The following NRDC variants were observed in gnomAD, a reference collection of about 807,000 sequenced individuals.
NRDC encodes nardilysin.
NRDC carries 54 observed loss-of-function variants against 147.1 expected under a neutral mutation model. That is an observed-to-expected ratio of 0.37 (90% confidence interval 0.29 to 0.46). The LOEUF (loss-of-function observed/expected upper bound fraction) is 0.46, where lower values mean the gene tolerates loss of function less well. NRDC is among the 20% of genes least tolerant of loss of function. The pLI is 1.00. For missense variants in NRDC, 1,082 were observed against 1,370.6 expected, an observed-to-expected ratio of 0.79 and a Z score of 3.33; for synonymous variants, 440 against 482.1, an observed-to-expected ratio of 0.91 and a Z score of 1.14.
chr1:51,827,447 G>A (rs1410599106), intron 5 of NRDC, among the ~76,000 whole-genome samples: 1 of 152,170 alleles, frequency 6.6e-6, no homozygotes. Context: ...TTGGTACTAT[G>A]TAATTAAGGA....
At chr1:51,841,893 T>C (rs891690228) in intron 1 of NRDC, among the ~76,000 whole-genome samples, 6 of 152,200 alleles carry the variant, frequency 3.9e-5, no homozygotes, top group Non-Finnish European at 5.9e-5. Context: ...AGAGAACCTT[T>C]GGCCTAAGAT....
At chr1:51,839,160 CTTT>C (rs5774110) in intron 2 of NRDC, among the ~76,000 whole-genome samples, 2 of 133,762 alleles carry the variant, frequency 1.5e-5, no homozygotes, top group Non-Finnish European at 3.1e-5. Context: ...TTTTCTTTTT[CTTT>C]TTTTTTTTTT....
chr1:51,808,388 T>C (rs889556690), intron 17 of NRDC, among the ~76,000 whole-genome samples: 2 of 152,254 alleles, frequency 1.3e-5, no homozygotes, highest in South Asian at 2.1e-4. Context: ...CATGGACTTA[T>C]CTGTGACCTT....
At chr1:51,817,602 C>T (rs12035096) in intron 10 of NRDC, among the ~76,000 whole-genome samples, 1,828 of 152,184 alleles carry the variant, frequency 0.012, 65 homozygotes, top group East Asian at 0.099. Context: ...AGTGCAGTGG[C>T]GCAATATCAA....
rs1249918172 is a variant in NRDC, at chr1:51,818,072, T to C, written c.1355A>G (p.His452Arg). 2.5e-6 allele frequency: 4 copies of C among 1,605,922 alleles called. No homozygotes were observed. The highest frequency in any genetic ancestry group is 1.7e-5 in the Admixed American group (1 of 57,560). ...ITWALPPQQQ[H>R]YRVKPLHYIS... Reference sequence around the variant, plus strand: ...TTTTCCCTTAAACTCTTACCTGTAATGTTGCTGTTGAGGAGGAAGTGCCCA... The same window carrying C: ...TTTTCCCTTAAACTCTTACCTGTAACGTTGCTGTTGAGGAGGAAGTGCCCA... The change falls in exon 10 of 31, where the codon CAT (histidine) becomes CGT (arginine). Residue 452 changes from histidine to arginine, a missense_variant. This residue lies in a region of NRDC where 635 missense variants were observed against 923.8 expected (regional missense o/e 0.69). Transcript: ENST00000352171.
intron 14 of NRDC, 126 bp from the exon 15 acceptor site, chr1:51,812,224 G>A (rs1296599422): frequency 1.1e-5 from 7 of 625,760 alleles, no homozygotes; most frequent in Admixed American, 2.9e-5. Context: ...CAGATACAAC[G>A]AGATATAATT....
rs142122551 is a variant in NRDC at position 51,862,991 on chromosome 1, CAG to C, written c.341+15282_341+15283del. Among the ~76,000 whole-genome samples, 936 of 109,258 alleles carry C rather than the reference CAG, an allele frequency of 8.6e-3. 10 individuals are homozygous for C. The highest frequency in any genetic ancestry group is 0.032 in the African/African-American group (893 of 27,784). 71.7% of individuals were successfully genotyped at this position (109,258 alleles called of 152,430 possible). ...GGCCACTGCACACTAGCCTGGATGA[CAG>C]AGTGAGACTCTGTGTGGAGGAAAAA... On this transcript the variant is annotated intron_variant, in intron 1 of 30. Coordinates refer to ENST00000352171, the MANE Select transcript of NRDC (RefSeq NM_001101662.2).
intron 9 of NRDC, 37 bp from the exon 10 acceptor site, chr1:51,818,172 T>C (rs769617444): frequency 3.7e-6 from 5 of 1,351,922 alleles, no homozygotes; most frequent in Middle Eastern, 4.6e-4. Flanking sequence ...CAGATGTAAG[T>C]GTTTCTCTAT....
Position 51,818,111 on chromosome 1 carries a change from G to A in NRDC, c.1316C>T (p.Ala439Val). The A allele has an allele frequency of 6.2e-7, 1 of 1,605,086 alleles. No individual in the cohort carries two copies. The highest frequency in any genetic ancestry group is 8.5e-7 in the Non-Finnish European group (1 of 1,177,504). Residue 439 changes from alanine to valine, a missense_variant, in exon 10 of 31, where the codon GCT becomes GTT. Around this residue, in one of 3 missense-constraint regions of NRDC, gnomAD observed 635 missense variants for 923.8 expected, o/e 0.69. Transcript: ENST00000352171. ...AGGAAGTGCCCATGTGATGGTCAGA[G>A]CATGAATTTTTCTGATTGGAACAAC... is the stretch of plus-strand genomic sequence containing the variant. Reference protein sequence around the residue: ...YRVVPIRKIHALTITWALPPQ... With the variant: ...YRVVPIRKIHVLTITWALPPQ...
chr1:51,803,074 GAAGGGAAACA>G (rs1253109279), intron 20 of NRDC, among the ~76,000 whole-genome samples: 1 of 152,138 alleles, frequency 6.6e-6, no homozygotes, highest in Non-Finnish European at 1.5e-5. Context: ...CATAAACTTA[GAAGGGAAACA>G]AGACACACAT....
chr1:51,876,480 C>A (rs1408665176), intron 1 of NRDC, among the ~76,000 whole-genome samples: 2 of 152,032 alleles, frequency 1.3e-5, no homozygotes, highest in Non-Finnish European at 2.9e-5. Flanking sequence ...GTGCATGAAA[C>A]AAAGTTTGTG....
chr1:51,797,062 A>C (rs1361278026), intron 22 of NRDC, among the ~76,000 whole-genome samples: 1 of 151,584 alleles, frequency 6.6e-6, no homozygotes, highest in Admixed American at 6.6e-5. Context: ...TAGCTGGGTG[A>C]GGTGGCAGGT....
chr1:51,852,951 C>T (rs1047784377), intron 1 of NRDC, among the ~76,000 whole-genome samples: 10 of 151,984 alleles, frequency 6.6e-5, no homozygotes, highest in African/African-American at 1.5e-4. Flanking sequence ...TGGCCAGGCA[C>T]GGTGGCTCAT....
chr1:51,872,076 G>A (rs535042593), intron 1 of NRDC, among the ~76,000 whole-genome samples: 3 of 152,276 alleles, frequency 2.0e-5, no homozygotes, highest in African/African-American at 4.8e-5. Context: ...TCACCATGTT[G>A]GCCAGGTAGG....
chr1:51,869,017 A>G (rs1044284563), intron 1 of NRDC, among the ~76,000 whole-genome samples: 3 of 152,238 alleles, frequency 2.0e-5, no homozygotes, highest in African/African-American at 7.2e-5. Flanking sequence ...ATGGCTCACT[A>G]CAACCTCAAA....
At chr1:51,847,432 G>T (rs937177528) in intron 1 of NRDC, among the ~76,000 whole-genome samples, 1 of 152,248 alleles carries the variant, frequency 6.6e-6, no homozygotes, top group Admixed American at 6.5e-5. Flanking sequence ...AGCAGGGGGC[G>T]GCGCTCGTTG....
At chr1:51,835,951 A>G (rs1281721213) in intron 3 of NRDC, among the ~76,000 whole-genome samples, 180 bp downstream of exon 3, 2 of 152,200 alleles carry the variant, frequency 1.3e-5, no homozygotes, top group Non-Finnish European at 2.9e-5. Context: ...AACTCTCAAT[A>G]TAAGTACACT....
At position 51,862,954 on chromosome 1, in the gene NRDC, G is replaced by A. The variant is rs187245940; in HGVS notation, c.341+15321C>T. ...GAACCTGGGAGGCAGAGTTTGCAGC[G>A]AGCTGAAATCAGGCCACTGCACACT... is the stretch of plus-strand genomic sequence containing the variant. On this transcript the variant is annotated intron_variant, in intron 1 of 30. Coordinates refer to ENST00000352171, the MANE Select transcript of NRDC (RefSeq NM_001101662.2). Among the ~76,000 whole-genome samples, 9 of 137,866 alleles carry A rather than the reference G, an allele frequency of 6.5e-5. No individual in the cohort carries two copies. In the East Asian group the frequency reaches 1.7e-3, roughly 26 times the overall value. The allele number at this position is 137,866 out of a possible 152,430, so 90.4% of individuals were successfully genotyped here. A position where few individuals can be genotyped will look rare whatever the true frequency, so the allele number is the denominator to read the frequency against.
intron 28 of NRDC, 28 bp downstream of exon 28, chr1:51,790,872 G>A (rs1557894166): frequency 6.3e-7 from 1 of 1,584,560 alleles, no homozygotes. Flanking sequence ...GTGGGCCAAA[G>A]GCCAAAAGAC....
Sources: gnomAD v4.1 joint callset for allele counts (sites outside exome capture counted in the v4.1 genomes callset) on GRCh38, gnomAD v4.1.1 for gene constraint, gnomAD v4.1.1 regional missense constraint, MANE v1.5 for transcripts, NCBI Gene and HGNC (gene_info 2026-07-23, HGNC 2026-07-21) for gene names.